Variants in DNAH14 observed in about 807,000 individuals in gnomAD.
The protein encoded by DNAH14 is axonemal beta dynein heavy chain 14.
DNAH14 carries 478 observed loss-of-function variants against 520.9 expected under a neutral mutation model. The observed-to-expected ratio is 0.92, with a 90% CI of 0.85 to 0.99. DNAH14 has a LOEUF of 0.99. DNAH14 is among the 50% of genes least tolerant of loss of function. DNAH14 has a pLI of 0.00. For synonymous variants in DNAH14, 1,581 were observed against 1,757.2 expected (o/e 0.90, Z 2.51); for missense variants, 4,831 against 5,234.5 (o/e 0.92, Z 2.38).
intron 1 of DNAH14, among the ~76,000 whole-genome samples, chr1:224,951,795 C>T (rs190791031): frequency 6.6e-6 from 1 of 152,086 alleles, no homozygotes; most frequent in East Asian, 1.9e-4. Flanking sequence ...GGACTACAGG[C>T]GCCCACCACC....
chr1:225,183,235 C>T (rs754438549), intron 36 of DNAH14, among the ~76,000 whole-genome samples: 14 of 152,200 alleles, frequency 9.2e-5, no homozygotes, highest in Non-Finnish European at 1.6e-4. Context: ...GCTGCCTTGG[C>T]AGGATGGATC....
At chr1:225,021,972 C>CT (rs1311411812) in intron 10 of DNAH14, among the ~76,000 whole-genome samples, 1 of 150,792 alleles carries the variant, frequency 6.6e-6, no homozygotes, top group Non-Finnish European at 1.5e-5. Context: ...AGAAATAAAG[C>CT]CACACAGTCT....
rs1489019805 is a variant in DNAH14 at position 225,333,476 on chromosome 1, TTTAA to T, written c.10055_10058del (p.Ile3352LysfsTer24). On this transcript the variant is annotated frameshift_variant, in exon 66 of 86. Coordinates refer to ENST00000682510, the MANE Select transcript of DNAH14 (RefSeq NM_001367479.1). LOFTEE classifies it high-confidence loss of function. ...GCATTTCTTTGTCTTCCAAATTCTC[TTTAA>T]TTAAAGTTATGGCACAAAAATATGA... 2 of 1,551,040 alleles carry T rather than the reference TTTAA, an allele frequency of 1.3e-6. No individual in the cohort carries two copies. The highest frequency in any genetic ancestry group is 2.0e-5 in the Admixed American group (1 of 50,968).
In DNAH14 at chr1:225,335,730, T is replaced by G. The variant is rs181023087; in HGVS notation, c.10081-1536T>G. Among the ~76,000 whole-genome samples, 51 of 105,272 alleles carry G rather than the reference T, an allele frequency of 4.8e-4. 13 individuals are homozygous for G. The highest frequency in any genetic ancestry group is 3.7e-3 in the Admixed American group (43 of 11,630). The allele number at this position is 105,272 out of a possible 152,430, so 69.1% of individuals were successfully genotyped here. ...ATATGTATATACGCATATATACATA[T>G]GTGCATATATGTATATACGCATATA... On this transcript the variant is annotated intron_variant, in intron 66 of 85. Transcript: ENST00000682510.
At chr1:225,064,665 A>G (rs953591052) in intron 17 of DNAH14, among the ~76,000 whole-genome samples, 3 of 152,052 alleles carry the variant, frequency 2.0e-5, no homozygotes, top group African/African-American at 7.2e-5. Context: ...GACACAAAGG[A>G]GTACCTACTA....
intron 23 of DNAH14, among the ~76,000 whole-genome samples, chr1:225,116,434 G>T (rs923718043): frequency 4.6e-5 from 7 of 152,098 alleles, no homozygotes; most frequent in Non-Finnish European, 2.9e-5. Context: ...ATGAAAGAAG[G>T]TAGAGCTTGG....
At chr1:225,079,119 A>G (rs900856039) in intron 17 of DNAH14, 88 bp from the exon 18 acceptor site, 9 of 1,199,078 alleles carry the variant, frequency 7.5e-6, no homozygotes, top group Non-Finnish European at 1.1e-5. Flanking sequence ...AATTAGACTT[A>G]TATAAGTCAG....
intron 51 of DNAH14, 93 bp from the exon 52 acceptor site, chr1:225,272,862 T>G: frequency 8.3e-7 from 1 of 1,210,228 alleles, no homozygotes; most frequent in Non-Finnish European, 1.1e-6. Context: ...CTTCTATTTT[T>G]ATGGATCATA....
chr1:225,298,759 A>AATG (rs2094071729), intron 55 of DNAH14, among the ~76,000 whole-genome samples: 1 of 152,180 alleles, frequency 6.6e-6, no homozygotes, highest in Admixed American at 6.5e-5. Flanking sequence ...AATCCAGAGC[A>AATG]ATGCAGCTGC....
At chr1:225,071,544 G>T (rs1008575721) in intron 17 of DNAH14, among the ~76,000 whole-genome samples, 5 of 152,102 alleles carry the variant, frequency 3.3e-5, no homozygotes, top group Admixed American at 1.3e-4. Flanking sequence ...TCCACTGAGA[G>T]CTCCACTGTT....
intron 41 of DNAH14, among the ~76,000 whole-genome samples, chr1:225,216,586 G>C (rs1368293081): frequency 6.6e-6 from 1 of 152,126 alleles, no homozygotes; most frequent in African/African-American, 2.4e-5. Flanking sequence ...TGGAGGTTTT[G>C]TTCATTTCTT....
At chr1:225,128,613 A>G (rs2078031726) in intron 27 of DNAH14, among the ~76,000 whole-genome samples, 1 of 151,506 alleles carries the variant, frequency 6.6e-6, no homozygotes, top group Admixed American at 6.6e-5. Context: ...ACAAAATTCA[A>G]CAACACTTCA....
chr1:225,085,643 A>G lies in DNAH14; in HGVS notation c.3427A>G (p.Thr1143Ala). Residue 1143 changes from threonine (T) to alanine (A), a missense_variant, in exon 21 of 86, where the codon ACT (threonine) becomes GCT (alanine). Physicochemically the swap from Thr to Ala is moderately conservative, Grantham distance 58 (BLOSUM62 0). Coordinates refer to ENST00000682510, the MANE Select transcript of DNAH14 (RefSeq NM_001367479.1). ...ATTTAAGATTATTGATTTTTGGAAC[A>G]CTACTCCTTTGCCTTTAATTCTTCA... is the stretch of plus-strand genomic sequence containing the variant. ...MLFKIIDFWN[T>A]TPLPLILHHT... 2.6e-6 allele frequency: 4 copies of G among 1,551,264 alleles called. No individual in the cohort carries two copies. Among genetic ancestry groups the G allele is most frequent in the Non-Finnish European group, 3.5e-6 (4 of 1,146,768 alleles).
rs1420382536 is a variant in DNAH14 at position 225,206,094 on chromosome 1, C to G, written c.6101C>G (p.Thr2034Ser). Residue 2034 changes from threonine (T) to serine (S), a missense_variant, in exon 40 of 86, where the codon ACT becomes AGT. Physicochemically the swap from Thr to Ser is moderately conservative, Grantham distance 58. Coordinates refer to ENST00000682510, the MANE Select transcript of DNAH14 (RefSeq NM_001367479.1). The stretch of plus-strand genomic sequence containing the variant: ...GCAAACAGTGAGAGAATAGCTTTAA[C>G]TAATAAAATAAGAGTGATTTTTGAA... ...CLANSERIAL[T>S]NKIRVIFEVD... The G allele has an allele frequency of 1.3e-6, 2 of 1,551,464 alleles. No individual in the cohort carries two copies. Among genetic ancestry groups the G allele is most frequent in the Non-Finnish European group, 1.7e-6 (2 of 1,146,814 alleles).
intron 1 of DNAH14, among the ~76,000 whole-genome samples, chr1:224,943,295 G>A (rs2059554446): frequency 6.6e-6 from 1 of 152,180 alleles, no homozygotes; most frequent in Non-Finnish European, 1.5e-5. Context: ...GGTGTTTATA[G>A]TATTCTCTGA....
intron 27 of DNAH14, among the ~76,000 whole-genome samples, chr1:225,128,999 C>A (rs1290123002): frequency 6.6e-6 from 1 of 152,082 alleles, no homozygotes; most frequent in East Asian, 1.9e-4. Flanking sequence ...GCACAAAAAT[C>A]ACAAGCATTC....
rs890530246 is a variant in DNAH14, at chr1:224,968,785, G to A, written c.678G>A (p.Lys226=). The A allele has an allele frequency of 1.3e-4, 197 of 1,525,252 alleles. No individual in the cohort carries two copies. In the East Asian group the frequency reaches 5.0e-3, roughly 39 times the overall value. 94.5% of individuals were successfully genotyped at this position (1,525,252 alleles called of 1,614,324 possible). A position where few individuals can be genotyped will look rare whatever the true frequency, so the allele number is the denominator to read the frequency against. The stretch of plus-strand genomic sequence containing the variant: ...TTATTAATATAGTTGGTAGTGTAAA[G>A]GAAGTAGAACTCATACCTACTTTGG... ...SKVINIVGSV[K]EVELIPTLEW... Residue 226 remains lysine (K), a synonymous_variant, in exon 7 of 86, where the codon AAG becomes AAA. Transcript: ENST00000682510.
At chr1:225,179,578 A>G (rs61851481) in intron 36 of DNAH14, among the ~76,000 whole-genome samples, 18,851 of 152,088 alleles carry the variant, frequency 0.12, 1,318 homozygotes, top group East Asian at 0.31. Context: ...CTCACAACAA[A>G]TTGTTTTAGT....
At chr1:225,159,606 G>A (rs2081347161) in intron 35 of DNAH14, 121 bp downstream of exon 35, 2 of 1,100,536 alleles carry the variant, frequency 1.8e-6, no homozygotes, top group Non-Finnish European at 2.5e-6. Flanking sequence ...TATAATTGAG[G>A]GGATAAAAAT....
Sources: allele counts gnomAD v4.1 joint callset (sites outside exome capture counted in the v4.1 genomes callset), GRCh38; gene constraint gnomAD v4.1.1; transcripts MANE v1.5; gene names NCBI Gene and HGNC (gene_info 2026-07-23, HGNC 2026-07-21).